SOX5: variants seen among roughly 807,000 people sequenced by gnomAD.
The protein encoded by SOX5 is transcription factor SOX-5.
A neutral mutation model predicts 92.0 loss-of-function variants in SOX5; 9 were observed. That is an observed-to-expected ratio of 0.10 (90% CI 0.06 to 0.17). The LOEUF is 0.17. SOX5 is among the 10% of genes least tolerant of loss of function. SOX5 has a pLI of 1.00. For missense variants in SOX5, 642 were observed against 944.5 expected (o/e 0.68, Z 4.20); for synonymous variants, 344 against 336.3 (o/e 1.02, Z -0.25).
intron 6 of SOX5, among the ~76,000 whole-genome samples, chr12:23,685,447 G>A (rs1281925248): frequency 1.3e-5 from 2 of 151,842 alleles, no homozygotes; most frequent in East Asian, 1.9e-4. Context: ...TGAGAATTCT[G>A]GCAACTTAAA....
chr12:24,405,891 C>A (rs1319154508), intron 1 of SOX5, among the ~76,000 whole-genome samples: 1 of 152,152 alleles, frequency 6.6e-6, no homozygotes. Flanking sequence ...GATAGAGCTG[C>A]TGCTGATGCC....
intron 4 of SOX5, among the ~76,000 whole-genome samples, chr12:24,158,282 G>T (rs919834947): frequency 1.3e-5 from 2 of 151,900 alleles, no homozygotes; most frequent in African/African-American, 2.4e-5. Flanking sequence ...AAAAATCCTT[G>T]ATCCTCCTGG....
intron 1 of SOX5, among the ~76,000 whole-genome samples, chr12:24,561,690 T>C (rs1476556375): frequency 1.4e-5 from 2 of 143,136 alleles, no homozygotes; most frequent in African/African-American, 2.7e-5. Flanking sequence ...CCTAGAATCC[T>C]GAAGGATGAG....
At position 23,641,066 on chromosome 12, in the gene SOX5, TGA is replaced by T. The variant is rs2079988665; in HGVS notation, c.932-171_932-170del. 2.0e-5 allele frequency among the ~76,000 whole-genome samples: 3 copies of T among 152,312 alleles called. No individual in the cohort carries two copies. In the East Asian group the frequency reaches 5.8e-4, roughly 29 times the overall value. On this transcript the variant is annotated intron_variant, in intron 7 of 14. Coordinates refer to ENST00000451604, the MANE Select transcript of SOX5 (RefSeq NM_006940.6). ...CTAACACTCTTTTCACAATTCTGGCTGAGAGAGGAATGTGAATAAAAGGCACA... is the reference window on the plus strand; with the variant it reads ...CTAACACTCTTTTCACAATTCTGGCTGAGAGGAATGTGAATAAAAGGCACA...
intron 4 of SOX5, among the ~76,000 whole-genome samples, chr12:24,147,204 A>T (rs1951178279): frequency 1.3e-5 from 2 of 152,196 alleles, no homozygotes; most frequent in Admixed American, 1.3e-4. Context: ...ACTCATGAAC[A>T]TAGATGCAAA....
intron 6 of SOX5, among the ~76,000 whole-genome samples, chr12:23,714,676 A>G (rs920847711): frequency 1.3e-5 from 2 of 152,150 alleles, no homozygotes; most frequent in Non-Finnish European, 2.9e-5. Flanking sequence ...ACTTGTAATC[A>G]TTTTCTATGT....
At chr12:24,279,553 G>A (rs939607326) in intron 2 of SOX5, among the ~76,000 whole-genome samples, 5 of 151,870 alleles carry the variant, frequency 3.3e-5, no homozygotes, top group Non-Finnish European at 7.4e-5. Flanking sequence ...TGTAAGTAAC[G>A]TTGTAACTGG....
intron 1 of SOX5, among the ~76,000 whole-genome samples, chr12:24,432,443 A>G (rs1232038596): frequency 3.3e-5 from 5 of 152,212 alleles, no homozygotes; most frequent in African/African-American, 1.2e-4. Context: ...GTACATTTAT[A>G]GTATCCTGAA....
chr12:23,992,219 C>A (rs1237262326), intron 4 of SOX5, among the ~76,000 whole-genome samples: 1 of 152,016 alleles, frequency 6.6e-6, no homozygotes, highest in Non-Finnish European at 1.5e-5. Flanking sequence ...TCTGGCAACA[C>A]CCTTAATAGC....
At chr12:24,044,751 C>A (rs1467882396) in intron 4 of SOX5, among the ~76,000 whole-genome samples, 2 of 152,194 alleles carry the variant, frequency 1.3e-5, no homozygotes, top group African/African-American at 4.8e-5. Flanking sequence ...CCCTGATTGG[C>A]CTTGTCAGCC....
chr12:24,186,107 T>A (rs988274686), intron 4 of SOX5, among the ~76,000 whole-genome samples: 17 of 152,178 alleles, frequency 1.1e-4, no homozygotes, highest in Admixed American at 5.9e-4. Context: ...GAATTTAACC[T>A]TATCTTTAAG....
At chr12:24,072,256 A>G (rs1941891985) in intron 4 of SOX5, among the ~76,000 whole-genome samples, 1 of 152,236 alleles carries the variant, frequency 6.6e-6, no homozygotes, top group South Asian at 2.1e-4. Context: ...AGATGCGTGG[A>G]TATTTCATTG....
intron 4 of SOX5, among the ~76,000 whole-genome samples, chr12:23,966,527 T>C (rs1947604850): frequency 6.6e-6 from 1 of 152,080 alleles, no homozygotes; most frequent in Non-Finnish European, 1.5e-5. Flanking sequence ...AATTAGCAAA[T>C]AGGCCAATTT....
intron 3 of SOX5, among the ~76,000 whole-genome samples, chr12:23,764,184 A>G (rs1328197479): frequency 1.3e-5 from 2 of 152,126 alleles, no homozygotes; most frequent in African/African-American, 2.4e-5. Flanking sequence ...CAGTCAACTT[A>G]TAAAAATTAA....
At chr12:23,978,363 T>G (rs1009985979) in intron 4 of SOX5, among the ~76,000 whole-genome samples, 2 of 152,226 alleles carry the variant, frequency 1.3e-5, no homozygotes, top group African/African-American at 4.8e-5. Context: ...AACTGTATCT[T>G]TTGATTTATT....
intron 5 of SOX5, among the ~76,000 whole-genome samples, chr12:23,739,064 CTG>C (rs1252905262): frequency 1.3e-5 from 2 of 152,264 alleles, no homozygotes; most frequent in East Asian, 3.9e-4. Flanking sequence ...CAAACATAAA[CTG>C]AGTATTTCTT....
chr12:24,279,162 G>A (rs1565814128), intron 2 of SOX5, among the ~76,000 whole-genome samples: 2 of 152,042 alleles, frequency 1.3e-5, no homozygotes, highest in African/African-American at 2.4e-5. Context: ...TAACCAGATT[G>A]TAGTTGGCAT....
At chr12:23,744,323 TA>T (rs1324591827) in intron 4 of SOX5, among the ~76,000 whole-genome samples, 1 of 152,164 alleles carries the variant, frequency 6.6e-6, no homozygotes, top group Non-Finnish European at 1.5e-5. Flanking sequence ...AATGAAATAA[TA>T]AGGTACGTGC....
In SOX5 at chr12:23,679,675, T is replaced by C. The variant is rs1160862403; in HGVS notation, c.811-14111A>G. Among the ~76,000 whole-genome samples the C allele has an allele frequency of 6.6e-5, 10 of 152,322 alleles. No homozygotes were observed. The East Asian group carries it at 1.9e-3, about 29-fold the overall frequency. On this transcript the variant is annotated intron_variant, in intron 6 of 14. Coordinates refer to ENST00000451604, the MANE Select transcript of SOX5 (RefSeq NM_006940.6). Reference sequence around the variant, plus strand: ...AATTAGAAATAAGTGTTTCCTAGTTTGTACTGCCTACTAGAAACTTGTAGA... The same window carrying C: ...AATTAGAAATAAGTGTTTCCTAGTTCGTACTGCCTACTAGAAACTTGTAGA...
Sources: allele counts gnomAD v4.1 joint callset (sites outside exome capture counted in the v4.1 genomes callset), GRCh38; gene constraint gnomAD v4.1.1; transcripts MANE v1.5; gene names NCBI Gene and HGNC (gene_info 2026-07-23, HGNC 2026-07-21).